Variants in EPB41 observed in about 807,000 individuals in gnomAD.
EPB41 encodes the protein erythrocyte membrane protein band 4.1.
EPB41 carries 65 observed loss-of-function variants against 108.0 expected under a neutral mutation model. The observed-to-expected ratio is 0.60, with a 90% CI of 0.49 to 0.74. The LOEUF (loss-of-function observed/expected upper bound fraction) is 0.74, where lower values mean the gene tolerates loss of function less well. Ranked by LOEUF, EPB41 falls within the 30% of genes least tolerant of loss-of-function variation. The pLI, the probability that EPB41 is intolerant of heterozygous loss-of-function variation, is 0.00. For synonymous variants in EPB41, 336 were observed against 358.9 expected (o/e 0.94, Z 0.72); for missense variants, 875 against 1,037.0 (o/e 0.84, Z 2.15).
intron 1 of EPB41, among the ~76,000 whole-genome samples, chr1:28,972,068 C>A (rs2149317305): frequency 6.6e-6 from 1 of 152,164 alleles, no homozygotes; most frequent in African/African-American, 2.4e-5. Context: ...ACTACAGGTG[C>A]ACGCTACCAT....
chr1:29,101,201 G>GCAA (rs1227651166), intron 17 of EPB41, among the ~76,000 whole-genome samples: 1 of 151,826 alleles, frequency 6.6e-6, no homozygotes, highest in Non-Finnish European at 1.5e-5. Flanking sequence ...TCTAGCCTGG[G>GCAA]CAACAAGAGC....
intron 11 of EPB41, among the ~76,000 whole-genome samples, chr1:29,042,283 C>G (rs1193777518): frequency 4.6e-5 from 7 of 152,086 alleles, no homozygotes; most frequent in Admixed American, 1.3e-4. Context: ...AGTCCCTGCC[C>G]TCATTCAATT....
Position 29,065,073 on chromosome 1 carries a change from G to A in EPB41, c.2099G>A (p.Arg700Gln), listed in dbSNP as rs142267469. The A allele has an allele frequency of 1.5e-4, 238 of 1,614,142 alleles. 1 individual carries two copies. The East Asian group carries it at 4.3e-3, about 29-fold the overall frequency. The change falls in exon 16 of 21, where the codon CGG (arginine) becomes CAG (glutamine). Residue 700 changes from arginine to glutamine, a missense_variant. Physicochemically the swap from Arg to Gln is conservative, Grantham distance 43 (BLOSUM62 1). Around this residue, in one of 3 missense-constraint regions of EPB41, gnomAD observed 519 missense variants for 627.3 expected, o/e 0.83. Transcript: ENST00000343067. ...KNFMESVPEP[R>Q]PSEWDKRLST... Reference sequence around the variant, plus strand: ...TTCATGGAGTCTGTACCAGAACCACGGCCTAGTGAATGGGATAAACGCTTA... The same window carrying A: ...TTCATGGAGTCTGTACCAGAACCACAGCCTAGTGAATGGGATAAACGCTTA...
At chr1:28,979,901 A>G (rs2095696068) in intron 1 of EPB41, among the ~76,000 whole-genome samples, 1 of 152,234 alleles carries the variant, frequency 6.6e-6, no homozygotes, top group African/African-American at 2.4e-5. Context: ...CCATAATGAC[A>G]GATTTGGAAT....
intron 7 of EPB41, among the ~76,000 whole-genome samples, chr1:29,020,706 G>A (rs2096633149): frequency 6.6e-6 from 1 of 152,042 alleles, no homozygotes; most frequent in Non-Finnish European, 1.5e-5. Context: ...TGCCCAGAGT[G>A]TAGTGTAGTG....
At chr1:28,961,199 G>T (rs192866880) in intron 1 of EPB41, among the ~76,000 whole-genome samples, 4 of 151,898 alleles carry the variant, frequency 2.6e-5, no homozygotes, top group African/African-American at 9.7e-5. Context: ...TTAGAATTAG[G>T]CAAAAAACAA....
intron 1 of EPB41, among the ~76,000 whole-genome samples, chr1:28,938,376 T>C (rs1028587311): frequency 2.0e-5 from 3 of 152,210 alleles, no homozygotes; most frequent in African/African-American, 7.2e-5. Flanking sequence ...TTAATTTCTT[T>C]CATTGATGGG....
rs147660719 is a variant in EPB41 at position 29,021,289 on chromosome 1, G to T, written c.1124+2847G>T. Among the ~76,000 whole-genome samples, 187 of 152,268 alleles carry T rather than the reference G, an allele frequency of 1.2e-3. 1 individual carries two copies. Among genetic ancestry groups the T allele is most frequent in the African/African-American group, 4.3e-3 (177 of 41,552 alleles). Reference sequence around the variant, plus strand: ...TTTGCTTTTTTCACTCTGTTGAAATGGGTGGGGCACAAATCAAGGCAGTTG... The same window carrying T: ...TTTGCTTTTTTCACTCTGTTGAAATTGGTGGGGCACAAATCAAGGCAGTTG... On this transcript the variant is annotated intron_variant, in intron 7 of 20. Coordinates refer to ENST00000343067, the MANE Select transcript of EPB41 (RefSeq NM_001376013.1).
At chr1:28,925,672 G>A (rs919423969) in intron 1 of EPB41, among the ~76,000 whole-genome samples, 6 of 152,106 alleles carry the variant, frequency 3.9e-5, no homozygotes, top group East Asian at 1.9e-4. Context: ...AAAGTTAAGC[G>A]GGTTTGGTGT....
rs369808424 is a variant in EPB41, at chr1:28,920,864, C to T, written c.-8+6096C>T. Among the ~76,000 whole-genome samples the T allele has an allele frequency of 2.9e-4, 44 of 152,234 alleles. 1 individual carries two copies. The South Asian group carries it at 6.4e-3, about 22-fold the overall frequency. On this transcript the variant is annotated intron_variant, in intron 1 of 20. Coordinates refer to ENST00000343067, the MANE Select transcript of EPB41 (RefSeq NM_001376013.1). Reference sequence around the variant, plus strand: ...CAGGCTGGTCTTGAACTCCTAGGCTCAAGAAATCTGCCTGCCTTGGCCTCC... The same window carrying T: ...CAGGCTGGTCTTGAACTCCTAGGCTTAAGAAATCTGCCTGCCTTGGCCTCC...
intron 4 of EPB41, among the ~76,000 whole-genome samples, chr1:29,002,524 A>G (rs941722388): frequency 1.3e-5 from 2 of 152,224 alleles, no homozygotes; most frequent in Non-Finnish European, 2.9e-5. Flanking sequence ...CTTTAAAAGA[A>G]AAGATTTATG....
At chr1:28,915,886 T>A (rs2092619275) in intron 1 of EPB41, among the ~76,000 whole-genome samples, 1 of 152,176 alleles carries the variant, frequency 6.6e-6, no homozygotes, top group Non-Finnish European at 1.5e-5. Context: ...CTGTAGTCAA[T>A]GCTGTTGCTC....
intron 1 of EPB41, among the ~76,000 whole-genome samples, chr1:28,973,375 T>G (rs1203568962): frequency 6.6e-6 from 1 of 152,020 alleles, no homozygotes; most frequent in Non-Finnish European, 1.5e-5. Context: ...GTATAACTAT[T>G]CTAATGTCCC....
At chr1:28,995,107 A>G (rs558891695) in intron 3 of EPB41, among the ~76,000 whole-genome samples, 1 of 152,084 alleles carries the variant, frequency 6.6e-6, no homozygotes, top group East Asian at 2.0e-4. Context: ...AACAGGTACT[A>G]TACACCTAAC....
intron 7 of EPB41, among the ~76,000 whole-genome samples, chr1:29,020,415 T>C (rs994457543): frequency 1.3e-5 from 2 of 152,106 alleles, no homozygotes; most frequent in African/African-American, 4.8e-5. Flanking sequence ...TATAAAAATA[T>C]ATGCATATAT....
At chr1:29,073,745 G>T (rs1652596396) in intron 16 of EPB41, among the ~76,000 whole-genome samples, 1 of 152,130 alleles carries the variant, frequency 6.6e-6, no homozygotes, top group African/African-American at 2.4e-5. Flanking sequence ...GAAGGGAATT[G>T]TTTGCATGGG....
intron 11 of EPB41, among the ~76,000 whole-genome samples, chr1:29,042,765 C>A (rs1008983246): frequency 5.9e-5 from 9 of 151,970 alleles, no homozygotes; most frequent in African/African-American, 2.2e-4. Flanking sequence ...AGACATGACA[C>A]CCCCCAACTT....
intron 1 of EPB41, among the ~76,000 whole-genome samples, chr1:28,915,129 A>C (rs926678814): frequency 7.9e-5 from 12 of 152,124 alleles, no homozygotes; most frequent in Non-Finnish European, 1.6e-4. Flanking sequence ...GGAGAATCGC[A>C]GGTTTCAGAC....
intron 1 of EPB41, among the ~76,000 whole-genome samples, chr1:28,942,046 T>TTTGATG (rs2094310304): frequency 6.6e-6 from 1 of 152,118 alleles, no homozygotes. Context: ...CTATAAATAT[T>TTTGATG]TTGATGTTCC....
Sources: gnomAD v4.1 joint callset for allele counts (sites outside exome capture counted in the v4.1 genomes callset) on GRCh38, gnomAD v4.1.1 for gene constraint, gnomAD v4.1.1 regional missense constraint, MANE v1.5 for transcripts, NCBI Gene and HGNC (gene_info 2026-07-23, HGNC 2026-07-21) for gene names.